The following PKHD1 variants were observed in gnomAD, a reference collection of about 807,000 sequenced individuals.
PKHD1 encodes fibrocystin.
Under a neutral mutation model 412.0 loss-of-function variants are expected in PKHD1, and 291 were observed. The observed-to-expected ratio is 0.71, with a 90% CI of 0.64 to 0.78. PKHD1 has a LOEUF of 0.78. Among genes scored for constraint, PKHD1 ranks in the 30% least tolerant of loss-of-function variants. PKHD1 has a pLI of 0.00. For synonymous variants in PKHD1, 1,777 were observed against 1,821.5 expected, an observed-to-expected ratio of 0.98 and a Z score of 0.62; for missense variants, 4,825 against 4,950.7, an observed-to-expected ratio of 0.97 and a Z score of 0.76.
chr6:51,659,282 C>G lies in PKHD1; in HGVS notation c.10844G>C (p.Arg3615Thr). The change falls in exon 61 of 67, where the codon AGA becomes ACA. Residue 3615 changes from arginine to threonine, a missense_variant. By Grantham distance (71) the Arg-to-Thr change is moderately conservative (BLOSUM62 -1). Transcript: ENST00000371117. ...EETLKAIADS[R>T]AKRKRNCPTV... Reference sequence around the variant, plus strand: ...AGGGCAATTGCGCTTTCTTTTTGCTCTACTGTCAGCAATGGCCTTTAAGGT... The same window carrying G: ...AGGGCAATTGCGCTTTCTTTTTGCTGTACTGTCAGCAATGGCCTTTAAGGT... 1 of 1,613,848 alleles carries G rather than the reference C, an allele frequency of 6.2e-7. No individual in the cohort carries two copies. The highest frequency in any genetic ancestry group is 8.5e-7 in the Non-Finnish European group (1 of 1,179,874).
At chr6:51,831,052 T>TAAGGATAGA in intron 51 of PKHD1, 63 bp from the exon 52 acceptor site, 1 of 1,245,652 alleles carries the variant, frequency 8.0e-7, no homozygotes, top group Non-Finnish European at 1.2e-6. Context: ...ATTCTATCCT[T>TAAGGATAGA]ATTTTAGGAT....
intron 28 of PKHD1, 54 bp from the exon 29 acceptor site, chr6:52,033,219 A>G (rs1803346758): frequency 3.6e-6 from 5 of 1,390,324 alleles, no homozygotes; most frequent in Non-Finnish European, 5.1e-6. Context: ...AGTAGGACTG[A>G]CTTAAGGGAA....
At chr6:51,708,699 C>T (rs1780297392) in intron 60 of PKHD1, among the ~76,000 whole-genome samples, 1 of 152,166 alleles carries the variant, frequency 6.6e-6, no homozygotes, top group African/African-American at 2.4e-5. Flanking sequence ...TCCAACAACT[C>T]TTTCTATACA....
intron 43 of PKHD1, among the ~76,000 whole-genome samples, chr6:51,903,356 T>C (rs771301038): frequency 1.3e-5 from 2 of 152,202 alleles, no homozygotes; most frequent in Non-Finnish European, 2.9e-5. Context: ...AAGATGGCTT[T>C]GAATGTGGCC....
intron 27 of PKHD1, among the ~76,000 whole-genome samples, chr6:52,039,977 T>C (rs1030515557): frequency 6.6e-6 from 1 of 152,186 alleles, no homozygotes; most frequent in East Asian, 1.9e-4. Flanking sequence ...CTTAAAAATA[T>C]CATGCCAAGT....
intron 52 of PKHD1, among the ~76,000 whole-genome samples, chr6:51,792,428 A>C (rs538853237): frequency 6.6e-6 from 1 of 152,328 alleles, no homozygotes; most frequent in African/African-American, 2.4e-5. Context: ...GACATGCCCA[A>C]GCAAATTAAC....
intron 48 of PKHD1, among the ~76,000 whole-genome samples, chr6:51,863,184 G>A (rs1774476482): frequency 6.6e-6 from 1 of 152,162 alleles, no homozygotes; most frequent in Non-Finnish European, 1.5e-5. Flanking sequence ...GATATGACTT[G>A]TACCCACAAA....
At chr6:51,710,455 C>T (rs1451962916) in intron 60 of PKHD1, among the ~76,000 whole-genome samples, 1 of 151,876 alleles carries the variant, frequency 6.6e-6, no homozygotes, top group Non-Finnish European at 1.5e-5. Flanking sequence ...ACTTTGAAAT[C>T]ACTTTGGAAT....
intron 55 of PKHD1, among the ~76,000 whole-genome samples, chr6:51,768,442 T>C (rs1464402098): frequency 2.0e-5 from 3 of 152,038 alleles, no homozygotes; most frequent in Non-Finnish European, 2.9e-5. Flanking sequence ...ATAGGTTCTG[T>C]AATTTTTCCT....
intron 60 of PKHD1, among the ~76,000 whole-genome samples, chr6:51,685,197 A>C (rs894022085): frequency 2.0e-5 from 3 of 152,106 alleles, no homozygotes; most frequent in African/African-American, 7.2e-5. Context: ...AACTGTTAGG[A>C]GTAAGAGTGG....
At chr6:51,682,497 T>G (rs991080049) in intron 60 of PKHD1, among the ~76,000 whole-genome samples, 8 of 152,060 alleles carry the variant, frequency 5.3e-5, no homozygotes, top group African/African-American at 1.9e-4. Flanking sequence ...AGCCCAGAAT[T>G]GGGATGCTCT....
intron 49 of PKHD1, among the ~76,000 whole-genome samples, chr6:51,855,398 T>G (rs1464109867): frequency 6.6e-6 from 1 of 152,254 alleles, no homozygotes; most frequent in African/African-American, 2.4e-5. Context: ...TTCACTGCTC[T>G]TATTTGTCTC....
At chr6:51,912,895 C>A (rs1046144251) in intron 37 of PKHD1, among the ~76,000 whole-genome samples, 4 of 152,100 alleles carry the variant, frequency 2.6e-5, no homozygotes, top group African/African-American at 9.6e-5. Context: ...ATATTCTAAC[C>A]CTATTCTTTA....
At chr6:51,705,636 C>T (rs1582185719) in intron 60 of PKHD1, among the ~76,000 whole-genome samples, 1 of 152,054 alleles carries the variant, frequency 6.6e-6, no homozygotes, top group East Asian at 1.9e-4. Flanking sequence ...CCCATAGGGC[C>T]CCATTTCCAT....
At chr6:51,931,898 A>G (rs1301837077) in intron 37 of PKHD1, among the ~76,000 whole-genome samples, 1 of 145,046 alleles carries the variant, frequency 6.9e-6, no homozygotes, top group Non-Finnish European at 1.5e-5. Context: ...GGGGAGAGAG[A>G]GAGAGGAGGG....
In PKHD1 at chr6:51,746,741, G is replaced by A. The variant is rs1785239681; in HGVS notation, c.9978C>T (p.Tyr3326=). The A allele has an allele frequency of 6.2e-7, 1 of 1,607,612 alleles. No individual in the cohort carries two copies. Among genetic ancestry groups the A allele is most frequent in the African/African-American group, 1.3e-5 (1 of 74,782 alleles). ...TATACCTGGGTTGTAATGAAGGAAA[G>A]TAGAACTTGTTTTTATCTTTTATCT... ...MLKIKDKNKF[Y]FPSLQPRKDL... Residue 3326 remains tyrosine, a synonymous_variant, in exon 59 of 67, where the codon TAC becomes TAT. Coordinates refer to ENST00000371117, the MANE Select transcript of PKHD1 (RefSeq NM_138694.4).
chr6:51,734,841 A>T (rs1193913367), intron 60 of PKHD1, among the ~76,000 whole-genome samples: 1 of 152,210 alleles, frequency 6.6e-6, no homozygotes, highest in Non-Finnish European at 1.5e-5. Flanking sequence ...ATTATAAGTA[A>T]TCGACACACG....
At chr6:51,636,482 G>T (rs1171784081) in intron 64 of PKHD1, among the ~76,000 whole-genome samples, 1 of 152,098 alleles carries the variant, frequency 6.6e-6, no homozygotes, top group African/African-American at 2.4e-5. Context: ...GGGAGGTTGA[G>T]ACTGCAATGA....
At chr6:51,795,875 T>C (rs1794514039) in intron 52 of PKHD1, among the ~76,000 whole-genome samples, 1 of 152,196 alleles carries the variant, frequency 6.6e-6, no homozygotes, top group Non-Finnish European at 1.5e-5. Context: ...CGAAGACTAC[T>C]TGATCATGCT....
Sources: gnomAD v4.1 joint callset for allele counts (sites outside exome capture counted in the v4.1 genomes callset) on GRCh38, gnomAD v4.1.1 for gene constraint, MANE v1.5 for transcripts, NCBI Gene and HGNC (gene_info 2026-07-23, HGNC 2026-07-21) for gene names.